TAFA2: variants seen among roughly 807,000 people sequenced by gnomAD.
TAFA2 encodes the protein TAFA chemokine like family member 2.
Under a neutral mutation model 18.8 loss-of-function variants are expected in TAFA2, and 7 were observed. The ratio of observed to expected loss-of-function variants is 0.37; its 90% CI spans 0.21 to 0.70. The LOEUF (loss-of-function observed/expected upper bound fraction) is 0.70, where lower values mean the gene tolerates loss of function less well. TAFA2 is among the 30% of genes least tolerant of loss of function. The pLI, the probability that TAFA2 is intolerant of heterozygous loss-of-function variation, is 0.53. For missense variants in TAFA2, 122 were observed against 158.1 expected (o/e 0.77, Z 1.23); for synonymous variants, 60 against 54.2 (o/e 1.11, Z -0.47).
At chr12:61,836,472 C>T (rs1872923816) in intron 2 of TAFA2, among the ~76,000 whole-genome samples, 1 of 151,658 alleles carries the variant, frequency 6.6e-6, no homozygotes, top group South Asian at 2.1e-4. Context: ...CTTAGCCTTC[C>T]ATAACAGTTG....
intron 2 of TAFA2, among the ~76,000 whole-genome samples, chr12:61,762,898 T>G (rs753390194): frequency 4.6e-5 from 7 of 152,028 alleles, no homozygotes; most frequent in Non-Finnish European, 8.8e-5. Context: ...GAATCTATAT[T>G]GTACCTTCTA....
intron 2 of TAFA2, among the ~76,000 whole-genome samples, chr12:61,803,523 A>G (rs1261527201): frequency 6.6e-6 from 1 of 151,878 alleles, no homozygotes; most frequent in African/African-American, 2.4e-5. Context: ...AATATACTAC[A>G]ACAATAATTG....
In TAFA2 at chr12:61,925,402, C is replaced by T. The variant is rs564397429; in HGVS notation, c.-1-57976G>A. ...ACAAACAGTCTCCCAAACCACAGTG[C>T]AATCAAATTAGAACTCAGGATTTAA... On this transcript the variant is annotated intron_variant, in intron 1 of 4. Coordinates refer to ENST00000416284, the MANE Select transcript of TAFA2 (RefSeq NM_178539.5). 5.3e-5 allele frequency among the ~76,000 whole-genome samples: 8 copies of T among 152,270 alleles called. No homozygotes were observed. The South Asian group carries it at 1.7e-3, about 32-fold the overall frequency.
intron 2 of TAFA2, among the ~76,000 whole-genome samples, chr12:61,857,425 G>T (rs1166421853): frequency 1.3e-5 from 2 of 152,224 alleles, no homozygotes; most frequent in South Asian, 4.1e-4. Context: ...GGTGAGAGGG[G>T]AAGCTTTATA....
chr12:61,926,054 C>T (rs1357302696), intron 1 of TAFA2, among the ~76,000 whole-genome samples: 2 of 152,182 alleles, frequency 1.3e-5, no homozygotes, highest in Non-Finnish European at 2.9e-5. Context: ...AAACTACCAT[C>T]AGAGAATACT....
chr12:62,090,893 T>G (rs1477994679), intron 1 of TAFA2, among the ~76,000 whole-genome samples: 1 of 151,978 alleles, frequency 6.6e-6, no homozygotes, highest in Non-Finnish European at 1.5e-5. Flanking sequence ...CAAAATTATG[T>G]TTTCAATAAT....
intron 1 of TAFA2, among the ~76,000 whole-genome samples, chr12:61,884,920 T>C (rs114256715): frequency 0.011 from 1,616 of 152,276 alleles, 22 homozygotes; most frequent in African/African-American, 0.035. Flanking sequence ...TTTATGAGTT[T>C]TTCACTCCAT....
At chr12:61,835,445 G>C (rs1872881516) in intron 2 of TAFA2, among the ~76,000 whole-genome samples, 1 of 151,958 alleles carries the variant, frequency 6.6e-6, no homozygotes, top group Non-Finnish European at 1.5e-5. Context: ...CTGATGCTGA[G>C]GTTTGGGCTG....
intron 1 of TAFA2, among the ~76,000 whole-genome samples, chr12:62,243,740 T>C (rs1382318230): frequency 6.6e-6 from 1 of 152,248 alleles, no homozygotes; most frequent in East Asian, 1.9e-4. Flanking sequence ...GAAAATGTCA[T>C]TGAACCATTA....
chr12:62,209,426 C>A (rs962475145), intron 1 of TAFA2, among the ~76,000 whole-genome samples: 14 of 152,338 alleles, frequency 9.2e-5, no homozygotes, highest in African/African-American at 3.4e-4. Flanking sequence ...CCCAGCAATG[C>A]TGAACTGTGA....
At chr12:62,178,653 G>A (rs1025651611) in intron 1 of TAFA2, among the ~76,000 whole-genome samples, 3 of 152,150 alleles carry the variant, frequency 2.0e-5, no homozygotes, top group Non-Finnish European at 4.4e-5. Flanking sequence ...TCACAGGTAT[G>A]ACATAAAGGA....
intron 3 of TAFA2, 46 bp downstream of exon 3, chr12:61,754,824 AGC>A (rs1869185876): frequency 1.9e-6 from 3 of 1,598,066 alleles, no homozygotes; most frequent in Non-Finnish European, 2.6e-6. Context: ...TCTAGTTCTA[AGC>A]CATCCTTGGC....
chr12:62,236,913 C>T (rs915793617), intron 1 of TAFA2, among the ~76,000 whole-genome samples: 14 of 152,052 alleles, frequency 9.2e-5, no homozygotes, highest in East Asian at 1.9e-4. Context: ...GTTTATTATA[C>T]GCCTTGAGGT....
chr12:62,131,952 C>T (rs1192270783), intron 1 of TAFA2, among the ~76,000 whole-genome samples: 2 of 151,668 alleles, frequency 1.3e-5, no homozygotes, highest in African/African-American at 4.8e-5. Flanking sequence ...GCCAGGTCAG[C>T]TTTTGTATTT....
intron 4 of TAFA2, among the ~76,000 whole-genome samples, chr12:61,750,869 C>T (rs1423343269): frequency 1.3e-5 from 2 of 152,120 alleles, no homozygotes; most frequent in African/African-American, 2.4e-5. Flanking sequence ...GCTGAGACAG[C>T]TCTTGAGTTA....
intron 1 of TAFA2, among the ~76,000 whole-genome samples, chr12:62,217,656 C>T (rs73133481): frequency 0.084 from 12,861 of 152,218 alleles, 686 homozygotes; most frequent in Middle Eastern, 0.18. Context: ...CTCTGAAGGG[C>T]CATACCTGTT....
At position 62,010,392 on chromosome 12, in the gene TAFA2, G is replaced by A. The variant is rs190260917; in HGVS notation, c.-1-142966C>T. Among the ~76,000 whole-genome samples, 524 of 152,184 alleles carry A rather than the reference G, an allele frequency of 3.4e-3. 4 individuals carry two copies. Among genetic ancestry groups the A allele is most frequent in the African/African-American group, 0.012 (504 of 41,536 alleles). On this transcript the variant is annotated intron_variant, in intron 1 of 4. Transcript: ENST00000416284. ...GGGCTGGTCTCCGGCTCCTGACCTCGAGTGGTCTGCCCACCTCAGCCTCCC... is the reference window on the plus strand; with the variant it reads ...GGGCTGGTCTCCGGCTCCTGACCTCAAGTGGTCTGCCCACCTCAGCCTCCC...
chr12:62,253,823 C>T (rs917626584), intron 1 of TAFA2: 3 of 152,294 alleles, frequency 2.0e-5, no homozygotes, highest in East Asian at 1.9e-4. Context: ...TCTGGTATTA[C>T]GATATAGTCC....
intron 1 of TAFA2, among the ~76,000 whole-genome samples, chr12:61,893,449 A>T (rs576965904): frequency 1.3e-5 from 2 of 152,282 alleles, no homozygotes; most frequent in Admixed American, 1.3e-4. Flanking sequence ...AGGGTTGGGG[A>T]GATACAGGAC....
Sources: gnomAD v4.1 joint callset for allele counts (sites outside exome capture counted in the v4.1 genomes callset) on GRCh38, gnomAD v4.1.1 for gene constraint, MANE v1.5 for transcripts, NCBI Gene and HGNC (gene_info 2026-07-23, HGNC 2026-07-21) for gene names.